The following CAMK1D variants were observed in gnomAD, a reference collection of about 807,000 sequenced individuals.
CAMK1D encodes calcium/calmodulin dependent protein kinase ID, also known as calcium/calmodulin-dependent protein kinase type 1D.
In CAMK1D, 9 loss-of-function variants were observed where a neutral mutation model predicts 47.7. The ratio of observed to expected loss-of-function variants is 0.19; its 90% CI spans 0.11 to 0.33. The LOEUF is 0.33. CAMK1D is among the 10% of genes least tolerant of loss of function. The pLI, the probability that CAMK1D is intolerant of heterozygous loss-of-function variation, is 1.00. For missense variants in CAMK1D, 291 were observed against 488.7 expected (o/e 0.60, Z 3.81); for synonymous variants, 184 against 184.9 (o/e 0.99, Z 0.04).
At chr10:12,631,374 T>C (rs1376578242) in intron 2 of CAMK1D, among the ~76,000 whole-genome samples, 1 of 152,232 alleles carries the variant, frequency 6.6e-6, no homozygotes, top group Non-Finnish European at 1.5e-5. Flanking sequence ...GCTCCGCCCA[T>C]AGTGCATGCC....
intron 1 of CAMK1D, among the ~76,000 whole-genome samples, chr10:12,510,513 C>G (rs1003310612): frequency 6.6e-6 from 1 of 152,212 alleles, no homozygotes; most frequent in Non-Finnish European, 1.5e-5. Context: ...TTTTACCTAC[C>G]ACACAAACAC....
chr10:12,717,149 G>C (rs1834176416), intron 3 of CAMK1D, among the ~76,000 whole-genome samples: 1 of 151,968 alleles, frequency 6.6e-6, no homozygotes, highest in African/African-American at 2.4e-5. Flanking sequence ...TCTTTGTATT[G>C]GTTTTGTAAG....
intron 3 of CAMK1D, among the ~76,000 whole-genome samples, chr10:12,684,757 T>C (rs1387342339): frequency 1.3e-5 from 2 of 150,274 alleles, no homozygotes; most frequent in East Asian, 3.9e-4. Flanking sequence ...TAAGAGAATA[T>C]ATTCAGAAGA....
intron 2 of CAMK1D, among the ~76,000 whole-genome samples, chr10:12,660,711 T>G (rs1840250607): frequency 6.6e-6 from 1 of 152,238 alleles, no homozygotes; most frequent in African/African-American, 2.4e-5. Context: ...TATATAGATG[T>G]GTCAGCTCAT....
At chr10:12,790,570 T>C (rs555010220) in intron 5 of CAMK1D, among the ~76,000 whole-genome samples, 187 of 152,318 alleles carry the variant, frequency 1.2e-3, no homozygotes, top group African/African-American at 4.1e-3. Flanking sequence ...GTTTGTTGAC[T>C]GACAGAGTTC....
chr10:12,801,504 A>C (rs1279953040), intron 6 of CAMK1D, among the ~76,000 whole-genome samples: 1 of 150,604 alleles, frequency 6.6e-6, no homozygotes, highest in Non-Finnish European at 1.5e-5. Flanking sequence ...CCATTCATCC[A>C]TCTATCCATC....
intron 1 of CAMK1D, among the ~76,000 whole-genome samples, chr10:12,507,378 C>T (rs1432425589): frequency 4.6e-5 from 7 of 152,192 alleles, no homozygotes; most frequent in Admixed American, 4.6e-4. Context: ...GGGAACTGGC[C>T]AGCAGCAGGG....
chr10:12,428,291 A>G (rs1010238487), intron 1 of CAMK1D, among the ~76,000 whole-genome samples: 2 of 152,014 alleles, frequency 1.3e-5, no homozygotes, highest in Non-Finnish European at 2.9e-5. Flanking sequence ...CCTGCCTAGA[A>G]TCCCTGCTGG....
At chr10:12,597,639 G>A (rs559767825) in intron 2 of CAMK1D, among the ~76,000 whole-genome samples, 46 of 152,246 alleles carry the variant, frequency 3.0e-4, no homozygotes, top group Admixed American at 7.2e-4. Flanking sequence ...GTGGGGAGCC[G>A]GTTCCTTCCT....
At chr10:12,559,349 C>G (rs930908661) in intron 2 of CAMK1D, among the ~76,000 whole-genome samples, 4 of 152,082 alleles carry the variant, frequency 2.6e-5, no homozygotes, top group African/African-American at 9.7e-5. Flanking sequence ...CACGACCAAT[C>G]GAGTCAGAAT....
At chr10:12,591,910 G>T in intron 2 of CAMK1D, among the ~76,000 whole-genome samples, 1 of 152,118 alleles carries the variant, frequency 6.6e-6, no homozygotes, top group Non-Finnish European at 1.5e-5. Flanking sequence ...GGCCAGGATG[G>T]TCTTGAACTC....
At chr10:12,826,574 A>G (rs976382513) in intron 10 of CAMK1D, among the ~76,000 whole-genome samples, 2 of 151,988 alleles carry the variant, frequency 1.3e-5, no homozygotes, top group East Asian at 1.9e-4. Context: ...GGCCCTTCCC[A>G]TGGGTCCTCT....
At chr10:12,431,417 A>C (rs1832471381) in intron 1 of CAMK1D, among the ~76,000 whole-genome samples, 1 of 152,184 alleles carries the variant, frequency 6.6e-6, no homozygotes, top group Admixed American at 6.5e-5. Context: ...GTGATCACTC[A>C]GTGTCTGAGG....
chr10:12,743,940 T>G (rs1186614634), intron 3 of CAMK1D, among the ~76,000 whole-genome samples: 6 of 152,032 alleles, frequency 3.9e-5, no homozygotes, highest in Non-Finnish European at 8.8e-5. Context: ...GGAGAATGGC[T>G]TGAACCTGGG....
chr10:12,518,804 T>G (rs1452452208), intron 1 of CAMK1D, among the ~76,000 whole-genome samples: 3 of 108,550 alleles, frequency 2.8e-5, no homozygotes, highest in Non-Finnish European at 6.1e-5. Context: ...AGGGTTGGGG[T>G]TAAGGTCACA....
At chr10:12,457,779 C>CA (rs5783269) in intron 1 of CAMK1D, among the ~76,000 whole-genome samples, 1,322 of 70,430 alleles carry the variant, frequency 0.019, 21 homozygotes, top group South Asian at 0.033. Context: ...GACTCTGTCT[C>CA]AAAAAAAAAA....
intron 2 of CAMK1D, among the ~76,000 whole-genome samples, chr10:12,596,645 G>A (rs1231490021): frequency 6.6e-6 from 1 of 152,148 alleles, no homozygotes; most frequent in African/African-American, 2.4e-5. Flanking sequence ...TTAGGGAGCA[G>A]TAGAGGAGCT....
At chr10:12,530,303 T>C (rs886393879) in intron 1 of CAMK1D, among the ~76,000 whole-genome samples, 19 of 152,214 alleles carry the variant, frequency 1.2e-4, no homozygotes, top group African/African-American at 4.3e-4. Context: ...CAGATGGACA[T>C]GAATATCTTG....
At chr10:12,439,173 C>T (rs144923326) in intron 1 of CAMK1D, among the ~76,000 whole-genome samples, 1 of 152,306 alleles carries the variant, frequency 6.6e-6, no homozygotes, top group Admixed American at 6.5e-5. Context: ...GCCTTGTGTA[C>T]CACAGACTAA....
Sources: allele counts gnomAD v4.1 joint callset (sites outside exome capture counted in the v4.1 genomes callset), GRCh38; gene constraint gnomAD v4.1.1; transcripts MANE v1.5; gene names NCBI Gene and HGNC (gene_info 2026-07-23, HGNC 2026-07-21).